TENM3: variants seen among roughly 807,000 people sequenced by gnomAD.
The protein encoded by TENM3 is teneurin-3.
A neutral mutation model predicts 255.1 loss-of-function variants in TENM3; 63 were observed. The observed-to-expected ratio is 0.25, with a 90% CI of 0.20 to 0.30. The LOEUF is 0.30. Ranked by LOEUF, TENM3 falls within the 10% of genes least tolerant of loss-of-function variation. TENM3 has a pLI of 1.00. For synonymous variants in TENM3, 1,306 were observed against 1,322.3 expected, an observed-to-expected ratio of 0.99 and a Z score of 0.27; for missense variants, 2,929 against 3,461.1, an observed-to-expected ratio of 0.85 and a Z score of 3.86.
At chr4:181,605,405 C>T in the TENM3 span, among the ~76,000 whole-genome samples, 4 of 149,720 alleles carry the variant, frequency 2.7e-5, no homozygotes, top group Admixed American at 6.7e-5. Flanking sequence ...GATCGCCCCA[C>T]GACGCTCCAG....
the TENM3 span, among the ~76,000 whole-genome samples, chr4:182,060,426 A>G: frequency 6.6e-6 from 1 of 152,108 alleles, no homozygotes; most frequent in Non-Finnish European, 1.5e-5. Context: ...CATGCAACCG[A>G]GATCCCTTCC....
At chr4:182,214,222 G>A (rs1197646169) in intron 1 of TENM3, among the ~76,000 whole-genome samples, 3 of 152,138 alleles carry the variant, frequency 2.0e-5, no homozygotes, top group Non-Finnish European at 2.9e-5. Flanking sequence ...GTTAGAAAAA[G>A]CATCATCCTA....
intron 2 of TENM3, among the ~76,000 whole-genome samples, chr4:182,335,926 T>A (rs1023056754): frequency 2.6e-5 from 4 of 152,080 alleles, no homozygotes; most frequent in African/African-American, 9.7e-5. Flanking sequence ...AAAAGGAGAA[T>A]CGATGTTCCT....
At chr4:182,081,086 A>G in the TENM3 span, among the ~76,000 whole-genome samples, 1 of 152,176 alleles carries the variant, frequency 6.6e-6, no homozygotes, top group African/African-American at 2.4e-5. Context: ...CATTTGTAAA[A>G]CAAGATTCAT....
chr4:181,539,428 TAA>T, the TENM3 span, among the ~76,000 whole-genome samples: 2 of 152,044 alleles, frequency 1.3e-5, no homozygotes, highest in Non-Finnish European at 2.9e-5. Flanking sequence ...TTTTGAAAAA[TAA>T]AGTCTCATTT....
the TENM3 span, among the ~76,000 whole-genome samples, chr4:181,757,572 A>C: frequency 6.6e-6 from 1 of 152,220 alleles, no homozygotes; most frequent in Non-Finnish European, 1.5e-5. Context: ...CTCATCTGAA[A>C]GTCCTCATGC....
At chr4:182,052,986 T>C in the TENM3 span, among the ~76,000 whole-genome samples, 1 of 152,158 alleles carries the variant, frequency 6.6e-6, no homozygotes, top group Non-Finnish European at 1.5e-5. Flanking sequence ...ATACATTATA[T>C]ATAATACAAA....
the TENM3 span, among the ~76,000 whole-genome samples, chr4:181,521,239 T>C: frequency 1.3e-5 from 2 of 152,352 alleles, no homozygotes; most frequent in South Asian, 4.1e-4. Context: ...AAGATTCAGG[T>C]GGATTGCATC....
At position 182,357,535 on chromosome 4, in the gene TENM3, A is replaced by G. The variant is rs898897777; in HGVS notation, c.511+10606A>G. On this transcript the variant is annotated intron_variant, in intron 3 of 27. Transcript: ENST00000511685. The stretch of plus-strand genomic sequence containing the variant: ...GTCTTCTTTTGAGAAGTGTCTGTTC[A>G]TGTCCTTCGCCCACTTTTTGATGGG... Among the ~76,000 whole-genome samples the G allele has an allele frequency of 5.9e-4, 88 of 149,022 alleles. 1 individual carries two copies. Among genetic ancestry groups the G allele is most frequent in the Non-Finnish European group, 1.2e-3 (78 of 66,576 alleles).
At chr4:182,264,929 T>G (rs1424434495) in intron 1 of TENM3, among the ~76,000 whole-genome samples, 2 of 151,342 alleles carry the variant, frequency 1.3e-5, no homozygotes, top group Non-Finnish European at 3.0e-5. Flanking sequence ...TGAAAAATGG[T>G]TTTTTTTTCT....
In TENM3 at chr4:182,800,446, C is replaced by T. The variant is rs1766866254; in HGVS notation, c.*95C>T. 8.5e-6 allele frequency: 12 copies of T among 1,404,984 alleles called. No homozygotes were observed. Among genetic ancestry groups the T allele is most frequent in the South Asian group, 7.1e-5 (5 of 69,968 alleles). 87.0% of individuals were successfully genotyped at this position (1,404,984 alleles called of 1,614,324 possible). A position where few individuals can be genotyped will look rare whatever the true frequency, so the allele number is the denominator to read the frequency against. On this transcript the variant is annotated 3_prime_UTR_variant, in exon 28 of 28. Coordinates refer to ENST00000511685, the MANE Select transcript of TENM3 (RefSeq NM_001080477.4). ...CTCTCCAACGCCCAAGAGCCTTCCT[C>T]CCGGGGGAATGAGACTGCTGTTACG... is the stretch of plus-strand genomic sequence containing the variant.
intron 3 of TENM3, among the ~76,000 whole-genome samples, chr4:182,364,655 G>A (rs1444232171): frequency 6.6e-6 from 1 of 152,136 alleles, no homozygotes; most frequent in Non-Finnish European, 1.5e-5. Context: ...TCCTGACCTC[G>A]TGATCCGCTC....
the TENM3 span, among the ~76,000 whole-genome samples, chr4:181,492,715 C>T: frequency 4.6e-5 from 7 of 152,116 alleles, no homozygotes; most frequent in Non-Finnish European, 7.4e-5. Flanking sequence ...AACAGGCAAA[C>T]AAGTTTCGGT....
At chr4:182,643,365 T>C (rs1752479114) in intron 5 of TENM3, among the ~76,000 whole-genome samples, 1 of 152,218 alleles carries the variant, frequency 6.6e-6, no homozygotes. Context: ...TTTTAAAAAT[T>C]AAAATCAAGA....
At chr4:181,521,224 C>A in the TENM3 span, among the ~76,000 whole-genome samples, 11 of 152,218 alleles carry the variant, frequency 7.2e-5, no homozygotes, top group Admixed American at 6.5e-4. Context: ...TGAACCACAT[C>A]CTGTAAGATT....
chr4:182,396,539 T>C (rs1290091138), intron 3 of TENM3, among the ~76,000 whole-genome samples: 1 of 152,222 alleles, frequency 6.6e-6, no homozygotes, highest in Non-Finnish European at 1.5e-5. Context: ...CACTTCTTCA[T>C]TGACATGTTA....
At chr4:181,838,011 G>A in the TENM3 span, among the ~76,000 whole-genome samples, 3 of 152,000 alleles carry the variant, frequency 2.0e-5, no homozygotes, top group Non-Finnish European at 2.9e-5. Context: ...TGTGGTGCAC[G>A]CCTGTAATCC....
chr4:181,924,432 T>C, the TENM3 span, among the ~76,000 whole-genome samples: 3 of 152,196 alleles, frequency 2.0e-5, no homozygotes, highest in Admixed American at 6.5e-5. Context: ...ATCTCAGACC[T>C]GAGAATCATC....
At chr4:181,572,234 G>C in the TENM3 span, among the ~76,000 whole-genome samples, 1 of 152,082 alleles carries the variant, frequency 6.6e-6, no homozygotes, top group Non-Finnish European at 1.5e-5. Context: ...TGAACAAATG[G>C]GCTGAGAATC....
Sources: gnomAD v4.1 joint callset for allele counts (sites outside exome capture counted in the v4.1 genomes callset) on GRCh38, gnomAD v4.1.1 for gene constraint, MANE v1.5 for transcripts, NCBI Gene and HGNC (gene_info 2026-07-23, HGNC 2026-07-21) for gene names.